ANO2: variants seen among roughly 807,000 people sequenced by gnomAD.
The protein encoded by ANO2 is anoctamin 2.
Under a neutral mutation model 124.2 loss-of-function variants are expected in ANO2, and 101 were observed. That is an observed-to-expected ratio of 0.81 (90% CI 0.69 to 0.96). The LOEUF (loss-of-function observed/expected upper bound fraction) is 0.96. ANO2 is among the 40% of genes least tolerant of loss of function. The probability of loss-of-function intolerance (pLI) is 0.00; values close to 1 mark genes in which losing one functional copy is unlikely to be tolerated. For synonymous variants in ANO2, 486 were observed against 482.5 expected (o/e 1.01, Z -0.09); for missense variants, 1,293 against 1,274.5 (o/e 1.01, Z -0.22).
At position 5,925,364 on chromosome 12, in the gene ANO2, C is replaced by T. The variant is rs373829532; in HGVS notation, c.23-2560G>A. On this transcript the variant is annotated intron_variant, in intron 1 of 24. Coordinates refer to ENST00000682330, the MANE Select transcript of ANO2 (RefSeq NM_001364791.2). This position sits in a 1 kb window ranked among gnomAD's most constrained non-coding sequence, Gnocchi z 4.6. Reference sequence around the variant, plus strand: ...AGCCATCGCAGTTGCTCCCCCGGCTCGCTCTCTGACACACGGATCCGGCTG... The same window carrying T: ...AGCCATCGCAGTTGCTCCCCCGGCTTGCTCTCTGACACACGGATCCGGCTG... Among the ~76,000 whole-genome samples, 2 of 152,206 alleles carry T rather than the reference C, an allele frequency of 1.3e-5. No homozygotes were observed. The highest frequency in any genetic ancestry group is 1.9e-4 in the East Asian group (1 of 5,198).
intron 14 of ANO2, among the ~76,000 whole-genome samples, chr12:5,654,813 C>A (rs972472350): frequency 6.6e-6 from 1 of 152,176 alleles, no homozygotes; most frequent in Non-Finnish European, 1.5e-5. Flanking sequence ...TCCAGTCACA[C>A]TAAACATCAC....
intron 1 of ANO2, among the ~76,000 whole-genome samples, chr12:5,937,578 G>GT (rs1157743041): frequency 6.6e-6 from 1 of 151,708 alleles, no homozygotes; most frequent in Non-Finnish European, 1.5e-5. Context: ...TGCATGTCTA[G>GT]TAAGTTTTAT....
chr12:5,713,100 A>G (rs978029627), intron 14 of ANO2, among the ~76,000 whole-genome samples: 4 of 152,212 alleles, frequency 2.6e-5, no homozygotes, highest in African/African-American at 9.7e-5. Flanking sequence ...AAAGGAGGAG[A>G]GACCAGTTAG....
chr12:5,818,813 C>T (rs994953052), intron 7 of ANO2, among the ~76,000 whole-genome samples: 1 of 152,010 alleles, frequency 6.6e-6, no homozygotes, highest in Non-Finnish European at 1.5e-5. Context: ...GTACATAATA[C>T]CTTTGACCAT....
At chr12:5,930,740 T>G (rs141938867) in intron 1 of ANO2, among the ~76,000 whole-genome samples, 239 of 152,324 alleles carry the variant, frequency 1.6e-3, no homozygotes, top group Admixed American at 5.2e-3. Context: ...GCTTAAAATT[T>G]GGGCCCAATG....
chr12:5,690,892 A>G (rs1256382648), intron 14 of ANO2, among the ~76,000 whole-genome samples: 2 of 152,232 alleles, frequency 1.3e-5, no homozygotes, highest in Non-Finnish European at 2.9e-5. Flanking sequence ...TCAATTTCAG[A>G]TTGTCAGTCA....
intron 3 of ANO2, among the ~76,000 whole-genome samples, chr12:5,906,958 A>G (rs114503416): frequency 0.011 from 1,733 of 152,336 alleles, 35 homozygotes; most frequent in African/African-American, 0.039. Flanking sequence ...ACAGAATGAG[A>G]GGCATTAGAT....
Position 5,652,382 on chromosome 12 carries a change from G to A in ANO2, c.1546-4581C>T, listed in dbSNP as rs145345419. Among the ~76,000 whole-genome samples the A allele has an allele frequency of 5.8e-3, 886 of 152,074 alleles. 7 individuals are homozygous for A. The highest frequency in any genetic ancestry group is 0.02 in the African/African-American group (829 of 41,472). On this transcript the variant is annotated intron_variant, in intron 14 of 24. Transcript: ENST00000682330. Reference sequence around the variant, plus strand: ...GTACATTTTTCACAACCAATGAACCGATATTGTACAGTATTATTAAAGTTC... The same window carrying A: ...GTACATTTTTCACAACCAATGAACCAATATTGTACAGTATTATTAAAGTTC...
intron 10 of ANO2, among the ~76,000 whole-genome samples, chr12:5,763,322 T>A (rs751373264): frequency 5.9e-5 from 9 of 152,216 alleles, no homozygotes; most frequent in Middle Eastern, 3.4e-3. Flanking sequence ...TTGTATGAAA[T>A]TCCTAAAAAT....
rs1457433056 is a variant in ANO2, at chr12:5,636,573, A to G, written c.1621-1226T>C. 6.9e-6 allele frequency among the ~76,000 whole-genome samples: 1 copy of G among 145,836 alleles called. No homozygotes were observed. Among genetic ancestry groups the G allele is most frequent in the East Asian group, 2.2e-4 (1 of 4,470 alleles). ...CGTAGGGAGAGAAAACAGCAGGTGG[A>G]AGGCTCCCTGAAAAAATAAGCTGTG... On this transcript the variant is annotated intron_variant, in intron 15 of 24. Transcript: ENST00000682330. This position sits in a 1 kb window ranked among gnomAD's most constrained non-coding sequence, Gnocchi z 4.6.
chr12:5,705,054 G>C (rs1047519089), intron 14 of ANO2, among the ~76,000 whole-genome samples: 1 of 152,080 alleles, frequency 6.6e-6, no homozygotes, highest in African/African-American at 2.4e-5. Context: ...ATCCAACAAG[G>C]TTTCACTGAA....
chr12:5,722,368 G>A (rs542745478), intron 14 of ANO2, among the ~76,000 whole-genome samples: 10 of 152,218 alleles, frequency 6.6e-5, no homozygotes, highest in East Asian at 1.9e-4. Flanking sequence ...TTAGCCGGGC[G>A]CAGTGGCGGG....
At chr12:5,738,279 A>C (rs1452136191) in intron 13 of ANO2, among the ~76,000 whole-genome samples, 1 of 152,198 alleles carries the variant, frequency 6.6e-6, no homozygotes, top group Non-Finnish European at 1.5e-5. Context: ...TAGGGATTCC[A>C]CTTCTTTCTC....
chr12:5,903,518 A>C (rs949071692), intron 3 of ANO2, among the ~76,000 whole-genome samples: 1 of 152,236 alleles, frequency 6.6e-6, no homozygotes, highest in Non-Finnish European at 1.5e-5. Context: ...CTAGTGGCTC[A>C]GCTGAAATTC....
Position 5,900,087 on chromosome 12 carries a change from G to C in ANO2, c.534+20953C>G, listed in dbSNP as rs1317486930. On this transcript the variant is annotated intron_variant, in intron 3 of 24. Coordinates refer to ENST00000682330, the MANE Select transcript of ANO2 (RefSeq NM_001364791.2). The surrounding 1 kb of genome is among the most constrained non-coding windows in gnomAD (Gnocchi z 4.2). ...AATTGGGAAGGGGGACAGGATGCATGAGTTCCGTTTTTCAGCAGTTCCCCT... is the reference window on the plus strand; with the variant it reads ...AATTGGGAAGGGGGACAGGATGCATCAGTTCCGTTTTTCAGCAGTTCCCCT... 1.3e-5 allele frequency among the ~76,000 whole-genome samples: 2 copies of C among 152,192 alleles called. No individual in the cohort carries two copies. The highest frequency in any genetic ancestry group is 4.8e-5 in the African/African-American group (2 of 41,438).
intron 10 of ANO2, among the ~76,000 whole-genome samples, chr12:5,780,985 T>C (rs1952375145): frequency 6.6e-6 from 1 of 152,232 alleles, no homozygotes; most frequent in Non-Finnish European, 1.5e-5. Flanking sequence ...TGTTACAATG[T>C]GTAAAATTTT....
At chr12:5,692,142 A>G (rs1948970938) in intron 14 of ANO2, among the ~76,000 whole-genome samples, 1 of 152,166 alleles carries the variant, frequency 6.6e-6, no homozygotes, top group Admixed American at 6.5e-5. Flanking sequence ...CGGATGATGC[A>G]ATACCCCTGG....
intron 3 of ANO2, among the ~76,000 whole-genome samples, chr12:5,902,324 C>A (rs117585797): frequency 0.011 from 1,709 of 152,018 alleles, 23 homozygotes; most frequent in Non-Finnish European, 0.012. Flanking sequence ...ATGGTTCATG[C>A]CTTTAATCCC....
At chr12:5,860,505 T>C (rs548200110) in intron 3 of ANO2, among the ~76,000 whole-genome samples, 2 of 152,348 alleles carry the variant, frequency 1.3e-5, no homozygotes, top group African/African-American at 4.8e-5. Context: ...TATACTGTAT[T>C]CCTAGTGGAT....
Sources: allele counts gnomAD v4.1 joint callset (sites outside exome capture counted in the v4.1 genomes callset), GRCh38; gene constraint gnomAD v4.1.1; non-coding constraint Gnocchi (gnomAD v3.1); transcripts MANE v1.5; gene names NCBI Gene and HGNC (gene_info 2026-07-23, HGNC 2026-07-21).